HNF4A: variants seen among roughly 807,000 people sequenced by gnomAD.
HNF4A encodes the protein hepatocyte nuclear factor 4-alpha.
HNF4A carries 15 observed loss-of-function variants against 52.4 expected under a neutral mutation model. The observed-to-expected ratio is 0.29, with a 90% CI of 0.19 to 0.44. HNF4A has a LOEUF of 0.44. Among genes scored for constraint, HNF4A ranks in the 20% least tolerant of loss-of-function variants. The pLI is 1.00. For synonymous variants in HNF4A, 280 were observed against 264.4 expected (o/e 1.06, Z -0.57); for missense variants, 479 against 647.2 (o/e 0.74, Z 2.82).
At chr20:44,391,262 G>T (rs1371396883) in intron 1 of HNF4A, among the ~76,000 whole-genome samples, 1 of 152,096 alleles carries the variant, frequency 6.6e-6, no homozygotes, top group Non-Finnish European at 1.5e-5. Context: ...TTCCTGGCAG[G>T]TTCTCCAGTG....
intron 3 of HNF4A, among the ~76,000 whole-genome samples, chr20:44,409,716 C>A (rs915162679): frequency 6.6e-6 from 1 of 152,206 alleles, no homozygotes. Context: ...GTTTTCCCAT[C>A]TATAAAATGA....
chr20:44,422,739 G>A (rs550448069), intron 7 of HNF4A, among the ~76,000 whole-genome samples: 18 of 150,656 alleles, frequency 1.2e-4, no homozygotes, highest in South Asian at 4.2e-4. Context: ...GAGTGCAGTG[G>A]CACCGTCTTG....
Position 44,394,285 on chromosome 20 carries a change from T to C in HNF4A, c.50-11773T>C, listed in dbSNP as rs532730682. On this transcript the variant is annotated intron_variant, in intron 1 of 9. Coordinates refer to the HNF4A transcript ENST00000316673. ...TCCCATGCTGGCTGGAGCCCCTGAA[T>C]ACCCGAGGTGACCTTCTGTCCTTGG... Among the ~76,000 whole-genome samples the C allele has an allele frequency of 2.0e-5, 3 of 152,264 alleles. No individual in the cohort carries two copies. The South Asian group carries it at 6.2e-4, about 32-fold the overall frequency.
At chr20:44,416,637 A>G (rs565243613) in intron 5 of HNF4A, among the ~76,000 whole-genome samples, 228 of 152,386 alleles carry the variant, frequency 1.5e-3, no homozygotes, top group Non-Finnish European at 2.8e-3. Context: ...CATGGGGAAT[A>G]GAAGGGGCAA....
chr20:44,359,446 C>G (rs2062894248), intron 1 of HNF4A, among the ~76,000 whole-genome samples: 1 of 152,194 alleles, frequency 6.6e-6, no homozygotes, highest in Admixed American at 6.5e-5. Flanking sequence ...GCAGACTCCC[C>G]TAGTTCAAGG....
At chr20:44,421,147 T>C (rs114577133) in intron 7 of HNF4A, among the ~76,000 whole-genome samples, 52 of 152,322 alleles carry the variant, frequency 3.4e-4, no homozygotes, top group African/African-American at 1.2e-3. Flanking sequence ...TGCTTTTATC[T>C]TTCCTTTCTT....
At chr20:44,359,021 T>C (rs1047728027) in intron 1 of HNF4A, among the ~76,000 whole-genome samples, 2 of 152,180 alleles carry the variant, frequency 1.3e-5, no homozygotes, top group Non-Finnish European at 2.9e-5. Context: ...AGATAGTTGC[T>C]GGTGTGAATT....
intron 1 of HNF4A, among the ~76,000 whole-genome samples, chr20:44,390,843 A>G (rs1316136384): frequency 2.0e-5 from 3 of 152,156 alleles, no homozygotes; most frequent in South Asian, 4.1e-4. Flanking sequence ...TGACGTTCCA[A>G]TCAGAGAAGG....
At chr20:44,412,301 G>A (rs1207061174) in intron 3 of HNF4A, among the ~76,000 whole-genome samples, 2 of 152,166 alleles carry the variant, frequency 1.3e-5, no homozygotes, top group African/African-American at 4.8e-5. Context: ...AGCATGGGGG[G>A]CAGGGCCAGG....
At chr20:44,405,363 T>C (rs1749151500) in intron 1 of HNF4A, among the ~76,000 whole-genome samples, 1 of 152,040 alleles carries the variant, frequency 6.6e-6, no homozygotes, top group African/African-American at 2.4e-5. Flanking sequence ...CAGAAGAAAT[T>C]GAAGCAGGGA....
chr20:44,375,489 G>GT (rs1200934748), intron 1 of HNF4A, among the ~76,000 whole-genome samples: 2 of 149,574 alleles, frequency 1.3e-5, no homozygotes, highest in African/African-American at 4.9e-5. Flanking sequence ...CCAGGGAAAT[G>GT]TTTTTGTTTT....
chr20:44,428,633 T>C, intron 9 of HNF4A, 146 bp downstream of exon 9: 1 of 801,474 alleles, frequency 1.2e-6, no homozygotes, highest in South Asian at 1.5e-5. Flanking sequence ...AGATTGTCCA[T>C]TTGTTGAGGC....
rs541272762 is a variant in HNF4A at position 44,377,858 on chromosome 20, A to T, written c.49+22005A>T. The stretch of plus-strand genomic sequence containing the variant: ...GCACGATCTTGGCTCACTATCTCAG[A>T]TGATGCTCCAAAGACTATTCTTATA... On this transcript the variant is annotated intron_variant, in intron 1 of 9. Coordinates refer to the HNF4A transcript ENST00000316673. 16 of 152,226 alleles carry T rather than the reference A, an allele frequency of 1.1e-4. No individual in the cohort carries two copies. In the South Asian group the frequency reaches 3.1e-3, roughly 30 times the overall value. The allele number at this position is 152,226 out of a possible 1,614,324, so 9.4% of individuals were successfully genotyped here.
intron 1 of HNF4A, among the ~76,000 whole-genome samples, chr20:44,378,873 C>T (rs1365575387): frequency 1.3e-5 from 2 of 149,388 alleles, no homozygotes; most frequent in South Asian, 2.1e-4. Context: ...GAGCCGAGAT[C>T]GCACCACTGC....
intron 1 of HNF4A, chr20:44,390,581 G>T: frequency 1.4e-6 from 1 of 702,036 alleles, no homozygotes; most frequent in Non-Finnish European, 2.6e-6. Context: ...GCCAGCAGGA[G>T]CTCCCTCAAG....
chr20:44,420,678 A>G (rs3212203), intron 7 of HNF4A, among the ~76,000 whole-genome samples: 101,455 of 151,726 alleles, frequency 0.67, 34,426 homozygotes, highest in Middle Eastern at 0.76. Flanking sequence ...CTACTCGGGA[A>G]GCCAAGGTGA....
At chr20:44,422,709 A>C (rs552705013) in intron 7 of HNF4A, among the ~76,000 whole-genome samples, 1 of 149,464 alleles carries the variant, frequency 6.7e-6, no homozygotes, top group Non-Finnish European at 1.5e-5. Context: ...ATATATATAT[A>C]TAGTCTGTCA....
intron 1 of HNF4A, among the ~76,000 whole-genome samples, chr20:44,386,547 A>G (rs2063226723): frequency 6.6e-6 from 1 of 152,196 alleles, no homozygotes; most frequent in Non-Finnish European, 1.5e-5. Context: ...CTGAGAGAAA[A>G]TTTCTTGTAA....
At chr20:44,417,917 C>A (rs1206785191) in intron 5 of HNF4A, among the ~76,000 whole-genome samples, 1 of 149,790 alleles carries the variant, frequency 6.7e-6, no homozygotes, top group South Asian at 2.1e-4. Context: ...TGCAGTGAGC[C>A]GAGATCATGC....
Sources: gnomAD v4.1 joint callset for allele counts (sites outside exome capture counted in the v4.1 genomes callset) on GRCh38, gnomAD v4.1.1 for gene constraint, MANE v1.5 for transcripts, NCBI Gene and HGNC (gene_info 2026-07-23, HGNC 2026-07-21) for gene names.